The following ARHGEF3 variants were observed in gnomAD, a reference collection of about 807,000 sequenced individuals.
ARHGEF3 encodes the protein Rho guanine nucleotide exchange factor 3, also known as 59.8 kDA protein.
ARHGEF3 carries 28 observed loss-of-function variants against 63.2 expected under a neutral mutation model. The observed-to-expected ratio is 0.44, with a 90% CI of 0.33 to 0.61. ARHGEF3 has a LOEUF of 0.61. Among genes scored for constraint, ARHGEF3 ranks in the 20% least tolerant of loss-of-function variants. The probability of loss-of-function intolerance (pLI) is 0.03; values close to 1 mark genes in which losing one functional copy is unlikely to be tolerated. For missense variants in ARHGEF3, 533 were observed against 659.3 expected (o/e 0.81, Z 2.10); for synonymous variants, 266 against 254.2 (o/e 1.05, Z -0.44).
chr3:56,765,576 T>G (rs2035658655), intron 2 of ARHGEF3, among the ~76,000 whole-genome samples: 1 of 152,130 alleles, frequency 6.6e-6, no homozygotes. Context: ...TATGCTTGGG[T>G]AATTTCTTAC....
chr3:57,043,433 C>G (rs1423481013), intron 1 of ARHGEF3, among the ~76,000 whole-genome samples: 1 of 150,530 alleles, frequency 6.6e-6, no homozygotes, highest in African/African-American at 2.5e-5. Context: ...CATTTTACAA[C>G]ACCAACACCA....
intron 4 of ARHGEF3, among the ~76,000 whole-genome samples, chr3:56,859,757 C>T (rs528050322): frequency 1.3e-3 from 197 of 150,656 alleles, no homozygotes; most frequent in African/African-American, 3.9e-3. Context: ...AGGCTGGTCT[C>T]GAACTCCTGA....
intron 2 of ARHGEF3, among the ~76,000 whole-genome samples, chr3:57,008,363 A>G (rs965528056): frequency 3.3e-5 from 5 of 151,924 alleles, no homozygotes; most frequent in African/African-American, 4.8e-5. Flanking sequence ...TGACCCCTTT[A>G]CCTGCAATAA....
rs1467689793 is a variant in ARHGEF3, at chr3:56,772,778, A to T, written c.204+931T>A. 3.9e-5 allele frequency among the ~76,000 whole-genome samples: 6 copies of T among 152,226 alleles called. No individual in the cohort carries two copies. The East Asian group carries it at 1.2e-3, about 29-fold the overall frequency. Reference sequence around the variant, plus strand: ...TAACTAAGGGCCAAGGTGTTATGCTATGCCCTTTAAATGCACTGTCTTGTA... The same window carrying T: ...TAACTAAGGGCCAAGGTGTTATGCTTTGCCCTTTAAATGCACTGTCTTGTA... On this transcript the variant is annotated intron_variant, in intron 2 of 9. Coordinates refer to ENST00000296315, the MANE Select transcript of ARHGEF3 (RefSeq NM_019555.3).
At chr3:56,850,113 T>C (rs1036526353) in intron 4 of ARHGEF3, among the ~76,000 whole-genome samples, 1 of 152,216 alleles carries the variant, frequency 6.6e-6, no homozygotes, top group Non-Finnish European at 1.5e-5. Context: ...TGTTTCTTAA[T>C]TGATGCTTTC....
At chr3:56,797,134 A>G (rs2107948486) in intron 1 of ARHGEF3, among the ~76,000 whole-genome samples, 1 of 152,182 alleles carries the variant, frequency 6.6e-6, no homozygotes, top group East Asian at 1.9e-4. Flanking sequence ...CATCATCTCC[A>G]TTTTACCATT....
chr3:57,002,462 CTA>C (rs1165862414), intron 2 of ARHGEF3, among the ~76,000 whole-genome samples: 1 of 38,684 alleles, frequency 2.6e-5, no homozygotes, highest in African/African-American at 1.1e-4. Flanking sequence ...GTTCTAAGCA[CTA>C]TATATATATA....
At chr3:56,861,874 T>C (rs2040086275) in intron 4 of ARHGEF3, among the ~76,000 whole-genome samples, 1 of 151,844 alleles carries the variant, frequency 6.6e-6, no homozygotes, top group South Asian at 2.1e-4. Context: ...GGTTTTTTTT[T>C]TTTTTTTTAA....
At chr3:56,989,466 A>G (rs1478288164) in intron 2 of ARHGEF3, among the ~76,000 whole-genome samples, 1 of 152,212 alleles carries the variant, frequency 6.6e-6, no homozygotes, top group Non-Finnish European at 1.5e-5. Context: ...AAGTGTACAG[A>G]GAGACACTCC....
intron 2 of ARHGEF3, among the ~76,000 whole-genome samples, chr3:56,764,939 T>A (rs2035621107): frequency 1.3e-5 from 2 of 151,992 alleles, no homozygotes. Flanking sequence ...TGTATTTTAG[T>A]AGAGACGGGG....
At chr3:56,741,841 T>C (rs2034060570) in intron 7 of ARHGEF3, among the ~76,000 whole-genome samples, 1 of 152,204 alleles carries the variant, frequency 6.6e-6, no homozygotes, top group Non-Finnish European at 1.5e-5. Flanking sequence ...TTGCAGAATT[T>C]CAGGGAGGCA....
At chr3:56,914,283 T>C (rs974667788) in intron 3 of ARHGEF3, among the ~76,000 whole-genome samples, 3 of 152,126 alleles carry the variant, frequency 2.0e-5, no homozygotes, top group Admixed American at 1.3e-4. Context: ...GGGAAAAAAA[T>C]TGAAAGCAGG....
At chr3:56,989,501 A>G (rs1701664595) in intron 2 of ARHGEF3, among the ~76,000 whole-genome samples, 1 of 152,214 alleles carries the variant, frequency 6.6e-6, no homozygotes, top group South Asian at 2.1e-4. Flanking sequence ...GCTTCCTTGC[A>G]GAAAACCCCA....
chr3:56,925,999 C>T lies in ARHGEF3; in HGVS notation c.129+32824G>A, dbSNP rs11130555. Among the ~76,000 whole-genome samples, 218 of 152,340 alleles carry T rather than the reference C, an allele frequency of 1.4e-3. 1 individual carries two copies. The highest frequency in any genetic ancestry group is 5.0e-3 in the African/African-American group (208 of 41,580). On this transcript the variant is annotated intron_variant, in intron 3 of 12. Coordinates refer to the ARHGEF3 transcript ENST00000338458. ...GTGCCCAGCTCTGTGTTCAAAGCAT[C>T]AGGCATGCAAAAATACCTCAGAAGC...
intron 3 of ARHGEF3, among the ~76,000 whole-genome samples, chr3:56,944,095 C>T (rs1441410398): frequency 6.6e-6 from 1 of 152,046 alleles, no homozygotes; most frequent in Non-Finnish European, 1.5e-5. Context: ...ATTGCTTGAA[C>T]CCGAAAGGTG....
At chr3:56,779,071 G>A (rs142155258) in intron 1 of ARHGEF3, among the ~76,000 whole-genome samples, 3 of 152,234 alleles carry the variant, frequency 2.0e-5, no homozygotes, top group African/African-American at 4.8e-5. Context: ...CCTAGTCATC[G>A]TCAGGCTCCA....
intron 9 of ARHGEF3, chr3:56,731,890 C>A (rs982117358): frequency 2.4e-6 from 1 of 422,896 alleles, no homozygotes; most frequent in Non-Finnish European, 4.2e-6. Context: ...ACGCAACTGG[C>A]ATCCATGTAG....
intron 4 of ARHGEF3, among the ~76,000 whole-genome samples, chr3:56,869,452 C>G (rs1397555759): frequency 6.6e-6 from 1 of 152,224 alleles, no homozygotes; most frequent in African/African-American, 2.4e-5. Flanking sequence ...ACACAAACCA[C>G]GAGAATTCTC....
At chr3:56,993,083 C>T (rs190948216) in intron 2 of ARHGEF3, among the ~76,000 whole-genome samples, 4 of 152,288 alleles carry the variant, frequency 2.6e-5, no homozygotes, top group Non-Finnish European at 4.4e-5. Flanking sequence ...GATCTGTCTG[C>T]CTTGGCCTCC....
Sources: gnomAD v4.1 joint callset for allele counts (sites outside exome capture counted in the v4.1 genomes callset) on GRCh38, gnomAD v4.1.1 for gene constraint, MANE v1.5 for transcripts, NCBI Gene and HGNC (gene_info 2026-07-23, HGNC 2026-07-21) for gene names.